PPP1R13L: variants seen among roughly 807,000 people sequenced by gnomAD.
The protein encoded by PPP1R13L is relA-associated inhibitor.
In PPP1R13L, 50 loss-of-function variants were observed where a neutral mutation model predicts 80.9. The ratio of observed to expected loss-of-function variants is 0.62; its 90% confidence interval spans 0.49 to 0.78. The LOEUF (loss-of-function observed/expected upper bound fraction) is 0.78. Ranked by LOEUF, PPP1R13L falls within the 30% of genes least tolerant of loss-of-function variation. The pLI is 0.00. For missense variants in PPP1R13L, 1,200 were observed against 1,205.9 expected (o/e 1.00, Z 0.07); for synonymous variants, 602 against 534.3 (o/e 1.13, Z -1.75).
intron 1 of PPP1R13L, among the ~76,000 whole-genome samples, chr19:45,399,304 CT>C (rs1973181393): frequency 6.7e-6 from 1 of 148,222 alleles, no homozygotes; most frequent in Non-Finnish European, 1.5e-5. Flanking sequence ...ATGCCTACTG[CT>C]TGGGGTATAA....
At position 45,396,381 on chromosome 19, in the gene PPP1R13L, G is replaced by T; in HGVS notation, c.768C>A (p.Asp256Glu). The T allele has an allele frequency of 6.2e-7, 1 of 1,614,140 alleles. No individual in the cohort carries two copies. Among genetic ancestry groups the T allele is most frequent in the Non-Finnish European group, 8.5e-7 (1 of 1,180,006 alleles). Reference protein sequence around the residue: ...PPKAWNESDLDVAYEKKPSQT... With the variant: ...PPKAWNESDLEVAYEKKPSQT... Reference sequence around the variant, plus strand: ...GCGAAGGCTTCTTCTCGTACGCCACGTCCAGGTCAGACTCGTTCCAGGCTT... The same window carrying T: ...GCGAAGGCTTCTTCTCGTACGCCACTTCCAGGTCAGACTCGTTCCAGGCTT... Residue 256 changes from aspartate to glutamate, a missense_variant, in exon 5 of 13, where the codon GAC becomes GAA. Physicochemically the swap from Asp to Glu is conservative, Grantham distance 45. Around this residue, in one of 5 missense-constraint regions of PPP1R13L, gnomAD observed 764 missense variants for 714.5 expected, o/e 1.07. Transcript: ENST00000360957. The surrounding 1 kb of genome is among the most constrained non-coding windows in gnomAD (Gnocchi z 5.3).
chr19:45,393,963 A>G (rs1399584049), intron 7 of PPP1R13L, among the ~76,000 whole-genome samples: 1 of 152,142 alleles, frequency 6.6e-6, no homozygotes, highest in African/African-American at 2.4e-5. Flanking sequence ...CCCCGTCACA[A>G]TTCTATAGGG....
At position 45,385,881 on chromosome 19, in the gene PPP1R13L, A is replaced by G. The variant is rs749456699; in HGVS notation, c.2024T>C (p.Ile675Thr). The change falls in exon 10 of 13, where the codon ATC becomes ACC. Residue 675 changes from isoleucine (I) to threonine (T), a missense_variant. Ile to Thr is a moderately conservative substitution (Grantham distance 89). Around this residue, in one of 5 missense-constraint regions of PPP1R13L, gnomAD observed 214 missense variants for 199.6 expected, o/e 1.07. Transcript: ENST00000360957. The stretch of plus-strand genomic sequence containing the variant: ...ACCCGCGGTGATGAGGAAATCCACG[A>G]TAGAGTAGTTGGCGCCGCAGATGGC... ...HNAICGANYS[I>T]VDFLITAGAN... 34 of 1,611,120 alleles carry G rather than the reference A, an allele frequency of 2.1e-5. No individual in the cohort carries two copies. The Admixed American group carries it at 3.2e-4, about 15-fold the overall frequency.
At chr19:45,400,029 C>G (rs1235516071) in intron 1 of PPP1R13L, among the ~76,000 whole-genome samples, 1 of 151,908 alleles carries the variant, frequency 6.6e-6, no homozygotes, top group African/African-American at 2.4e-5. Flanking sequence ...ATTTGATGGT[C>G]AAAACCACCC....
chr19:45,386,316 G>T (rs1203125515), intron 8 of PPP1R13L, 136 bp from the exon 9 acceptor site: 5 of 1,127,666 alleles, frequency 4.4e-6, no homozygotes, highest in Non-Finnish European at 5.9e-6. Context: ...TCGGGATGGG[G>T]TGAGGGGGTG....
chr19:45,391,926 G>C lies in PPP1R13L; in HGVS notation c.1769C>G (p.Pro590Arg). The C allele has an allele frequency of 2.7e-6, 4 of 1,503,200 alleles. No homozygotes were observed. Among genetic ancestry groups the C allele is most frequent in the Non-Finnish European group, 3.5e-6 (4 of 1,128,902 alleles). The allele number at this position is 1,503,200 out of a possible 1,614,324, so 93.1% of individuals were successfully genotyped here. A position where few individuals can be genotyped will look rare whatever the true frequency, so the allele number is the denominator to read the frequency against. ...TGGGCTGCTCTGGGACGGGGCCGGGGGTGGAATGGGAGCTGGTGGGGCAGG... is the reference window on the plus strand; with the variant it reads ...TGGGCTGCTCTGGGACGGGGCCGGGCGTGGAATGGGAGCTGGTGGGGCAGG... ...PAPAPPAPIP[P>R]PAPSQSSPPE... Residue 590 changes from proline to arginine, a missense_variant, in exon 8 of 13, where the codon CCC (proline) becomes CGC (arginine). Pro to Arg is a moderately radical substitution (Grantham distance 103, BLOSUM62 -2). Transcript: ENST00000360957.
Position 45,385,880 on chromosome 19 carries a change from G to A in PPP1R13L, c.2025C>T (p.Ile675=). The A allele has an allele frequency of 6.2e-7, 1 of 1,611,124 alleles. No individual in the cohort carries two copies. The highest frequency in any genetic ancestry group is 8.5e-7 in the Non-Finnish European group (1 of 1,178,812). The stretch of plus-strand genomic sequence containing the variant: ...CACCCGCGGTGATGAGGAAATCCAC[G>A]ATAGAGTAGTTGGCGCCGCAGATGG... ...HNAICGANYS[I]VDFLITAGAN... Residue 675 remains isoleucine (I), a synonymous_variant, in exon 10 of 13, where the codon ATC becomes ATT. Transcript: ENST00000360957.
In PPP1R13L at chr19:45,386,185, G is replaced by C. The variant is rs754304440; in HGVS notation, c.1816-5C>G. On this transcript the variant is annotated splice_region_variant and splice_polypyrimidine_tract_variant and intron_variant, in intron 8 of 12. Transcript: ENST00000360957. Reference sequence around the variant, plus strand: ...CCGCAGCACAGAGCGCATCTCCTGGGGGACAGGGCGCAGAGGTCAGCGACT... The same window carrying C: ...CCGCAGCACAGAGCGCATCTCCTGGCGGACAGGGCGCAGAGGTCAGCGACT... The C allele has an allele frequency of 6.6e-7, 1 of 1,513,436 alleles. No homozygotes were observed. Among genetic ancestry groups the C allele is most frequent in the South Asian group, 1.3e-5 (1 of 76,002 alleles). The allele number at this position is 1,513,436 out of a possible 1,614,324, so 93.8% of individuals were successfully genotyped here. A position where few individuals can be genotyped will look rare whatever the true frequency, so the allele number is the denominator to read the frequency against.
rs773497771 is a variant in PPP1R13L at position 45,393,765 on chromosome 19, C to T, written c.1355-1425G>A. Among the ~76,000 whole-genome samples the T allele has an allele frequency of 2.6e-5, 4 of 151,746 alleles. No individual in the cohort carries two copies. The South Asian group carries it at 8.3e-4, about 32-fold the overall frequency. On this transcript the variant is annotated intron_variant, in intron 7 of 12. Coordinates refer to ENST00000360957, the MANE Select transcript of PPP1R13L (RefSeq NM_006663.4). ...GTGGGCGCCTGTAGTCCCAGCCACT[C>T]GGGAGGCTGAGGCAGGAGAATGGCG...
intron 8 of PPP1R13L, among the ~76,000 whole-genome samples, chr19:45,390,015 T>A (rs1489913537): frequency 1.3e-5 from 2 of 151,952 alleles, no homozygotes; most frequent in Admixed American, 1.3e-4. Flanking sequence ...GATGGTCTTA[T>A]CTCCTGACTT....
rs28479488 is a variant in PPP1R13L at position 45,396,531 on chromosome 19, G to A, written c.712+14C>T. 8 of 1,580,364 alleles carry A rather than the reference G, an allele frequency of 5.1e-6. No homozygotes were observed. In the African/African-American group the frequency reaches 6.8e-5, roughly 13 times the overall value. The stretch of plus-strand genomic sequence containing the variant: ...CCGCGAGTCAAAGGCCCCGCGAGGG[G>A]CCCCTGGGTTCACCTTGCGCGCGCA... On this transcript the variant is annotated intron_variant, in intron 4 of 12. Coordinates refer to ENST00000360957, the MANE Select transcript of PPP1R13L (RefSeq NM_006663.4). This position sits in a 1 kb window ranked among gnomAD's most constrained non-coding sequence, Gnocchi z 5.3.
chr19:45,390,880 G>A (rs34818580), intron 8 of PPP1R13L, among the ~76,000 whole-genome samples: 10,733 of 152,136 alleles, frequency 0.071, 577 homozygotes, highest in East Asian at 0.26. Context: ...CACCGCGCCC[G>A]GCCGAGACTC....
In PPP1R13L at chr19:45,392,323, TG is replaced by T; in HGVS notation, c.1371del (p.Thr458ProfsTer9). 1 of 1,613,000 alleles carries T rather than the reference TG, an allele frequency of 6.2e-7. No homozygotes were observed. On this transcript the variant is annotated frameshift_variant, in exon 8 of 13. Transcript: ENST00000360957. LOFTEE classifies it high-confidence loss of function. ...ATCTCCGGCTCAGGCTCCAGCTCGG[TG>T]GGGGGTTTGGGGGGTCCTAGCCGGA... ...PPVNEGPPKP[P>X]TELEPEPEIE... is the part of the protein sequence containing the mutation.
At chr19:45,394,533 G>C (rs1210094579) in intron 7 of PPP1R13L, 1 of 152,056 alleles carries the variant, frequency 6.6e-6, no homozygotes, top group Non-Finnish European at 1.5e-5. Context: ...ACCTGTGCTG[G>C]AGTGCAGTGG....
intron 11 of PPP1R13L, 47 bp from the exon 12 acceptor site, chr19:45,382,773 C>T (rs2123346201): frequency 6.3e-7 from 1 of 1,599,152 alleles, no homozygotes; most frequent in Non-Finnish European, 8.6e-7. Flanking sequence ...CCCAGGGGGT[C>T]CAGGAACAGG....
intron 11 of PPP1R13L, 89 bp downstream of exon 11, chr19:45,385,473 C>G: frequency 7.2e-7 from 1 of 1,391,830 alleles, no homozygotes; most frequent in Non-Finnish European, 9.6e-7. Flanking sequence ...AGCCCCCATA[C>G]CCTTCTCTCC....
In PPP1R13L at chr19:45,392,057, G is replaced by T; in HGVS notation, c.1638C>A (p.Ile546=). Residue 546 remains isoleucine, a synonymous_variant, in exon 8 of 13, where the codon ATC becomes ATA. Transcript: ENST00000360957. ...CATGACGATGGAAGAGGCGGCTGAT[G>T]ATCTGCTGGTACTGTTTCTTGTGGG... ...PPTHKKQYQQ[I]ISRLFHRHGG... 1.0e-5 allele frequency: 16 copies of T among 1,542,140 alleles called. No individual in the cohort carries two copies. Among genetic ancestry groups the T allele is most frequent in the Non-Finnish European group, 1.4e-5 (16 of 1,147,060 alleles).
chr19:45,391,805 T>G, intron 8 of PPP1R13L, 75 bp downstream of exon 8: 6 of 1,194,942 alleles, frequency 5.0e-6, no homozygotes, highest in Non-Finnish European at 6.7e-6. Flanking sequence ...TAAGCCACTA[T>G]ATTTGGGGGG....
At chr19:45,382,038 C>T (rs1390781627) in intron 12 of PPP1R13L, among the ~76,000 whole-genome samples, 1 of 151,948 alleles carries the variant, frequency 6.6e-6, no homozygotes, top group Non-Finnish European at 1.5e-5. Flanking sequence ...GTCAGTAGAT[C>T]AAAACCAGCC....
Sources: allele counts gnomAD v4.1 joint callset (sites outside exome capture counted in the v4.1 genomes callset), GRCh38; gene constraint gnomAD v4.1.1; regional missense constraint gnomAD v4.1.1; non-coding constraint Gnocchi (gnomAD v3.1); transcripts MANE v1.5; gene names NCBI Gene and HGNC (gene_info 2026-07-23, HGNC 2026-07-21).